The following PIK3C2G variants were observed in gnomAD, a reference collection of about 807,000 sequenced individuals.
PIK3C2G encodes phosphatidylinositol-4-phosphate 3-kinase catalytic subunit type 2 gamma, also known as phosphatidylinositol 3-kinase C2 domain-containing subunit gamma.
A neutral mutation model predicts 181.1 loss-of-function variants in PIK3C2G; 168 were observed. The ratio of observed to expected loss-of-function variants is 0.93; its 90% confidence interval spans 0.82 to 1.05. PIK3C2G has a LOEUF of 1.05. Among genes scored for constraint, PIK3C2G ranks in the 50% least tolerant of loss-of-function variants. The pLI, the probability that PIK3C2G is intolerant of heterozygous loss-of-function variation, is 0.00. For synonymous variants in PIK3C2G, 573 were observed against 592.2 expected (o/e 0.97, Z 0.47); for missense variants, 1,869 against 1,732.8 (o/e 1.08, Z -1.40).
chr12:18,295,548 T>C (rs10743269), intron 5 of PIK3C2G, among the ~76,000 whole-genome samples: 69,439 of 151,810 alleles, frequency 0.46, 16,144 homozygotes, highest in Non-Finnish European at 0.51. Flanking sequence ...GATTTAATCA[T>C]TGTTTTAAAT....
the PIK3C2G span, chr12:18,723,603 T>G: frequency 8.2e-7 from 1 of 1,226,662 alleles, no homozygotes; most frequent in Non-Finnish European, 1.2e-6. Flanking sequence ...AAAATGAATA[T>G]TAGAGTATTT....
intron 10 of PIK3C2G, among the ~76,000 whole-genome samples, chr12:18,345,284 T>C (rs1004613828): frequency 2.6e-5 from 4 of 152,166 alleles, no homozygotes; most frequent in Non-Finnish European, 5.9e-5. Context: ...TGCTTTACTC[T>C]TCCGCTTCAT....
chr12:18,364,813 G>T (rs1941521591), intron 12 of PIK3C2G, among the ~76,000 whole-genome samples: 1 of 152,068 alleles, frequency 6.6e-6, no homozygotes, highest in South Asian at 2.1e-4. Flanking sequence ...TAGGAGATTT[G>T]CTCAAACCCA....
chr12:18,470,803 G>A (rs1938380179), intron 18 of PIK3C2G, among the ~76,000 whole-genome samples: 1 of 152,040 alleles, frequency 6.6e-6, no homozygotes, highest in South Asian at 2.1e-4. Context: ...CAGAAGGGAG[G>A]AAAGATGGAG....
intron 1 of PIK3C2G, among the ~76,000 whole-genome samples, chr12:18,248,576 AAACAACAACAACAAC>A (rs139110088): frequency 2.0e-5 from 3 of 151,402 alleles, no homozygotes; most frequent in South Asian, 2.1e-4. Context: ...ATCTCAAACA[AAACAACAACAACAAC>A]AACAACAACA....
intron 5 of PIK3C2G, among the ~76,000 whole-genome samples, chr12:18,303,374 A>C (rs1000505921): frequency 7.4e-5 from 11 of 149,244 alleles, no homozygotes; most frequent in African/African-American, 2.7e-4. Context: ...TCACTCTGTC[A>C]CCCAGGCTGA....
chr12:18,700,072 C>T, the PIK3C2G span: 1 of 806,546 alleles, frequency 1.2e-6, no homozygotes, highest in Non-Finnish European at 2.0e-6. Flanking sequence ...ATTATCTCCT[C>T]AAACACCATT....
At chr12:18,701,350 C>T in the PIK3C2G span, 2 of 1,395,108 alleles carry the variant, frequency 1.4e-6, no homozygotes, top group South Asian at 1.4e-5. Context: ...CATCTTCCAC[C>T]ATCGATGTTT....
chr12:18,413,653 CTTTG>C (rs764799736), intron 16 of PIK3C2G, among the ~76,000 whole-genome samples: 14 of 152,016 alleles, frequency 9.2e-5, no homozygotes, highest in South Asian at 8.3e-4. Flanking sequence ...CCTAGCAGTA[CTTTG>C]TTTAAGTCCC....
chr12:18,662,521 G>A, the PIK3C2G span, among the ~76,000 whole-genome samples: 1 of 152,020 alleles, frequency 6.6e-6, no homozygotes, highest in South Asian at 2.1e-4. Flanking sequence ...GCTTTGTGAA[G>A]AAGTAAAGAT....
At position 18,286,848 on chromosome 12, in the gene PIK3C2G, C is replaced by T; in HGVS notation, c.680C>T (p.Ser227Leu). 1 of 1,476,414 alleles carries T rather than the reference C, an allele frequency of 6.8e-7. No individual in the cohort carries two copies. The highest frequency in any genetic ancestry group is 9.2e-7 in the Non-Finnish European group (1 of 1,091,542). 91.5% of individuals were successfully genotyped at this position (1,476,414 alleles called of 1,614,324 possible). ...WESTWQKNIE[S>L]IGCSIQLVEV... ...TAATTTAGTAGATTTTATTTTAAGT[C>T]AATAGGTTGTTCCATTCAGCTAGTG... Residue 227 changes from serine to leucine, a missense_variant and splice_region_variant, in exon 3 of 33, where the codon TCA becomes TTA. By Grantham distance (145) the Ser-to-Leu change is moderately radical. Transcript: ENST00000538779.
intron 1 of PIK3C2G, among the ~76,000 whole-genome samples, chr12:18,272,550 C>A (rs1162357035): frequency 6.6e-6 from 1 of 152,108 alleles, no homozygotes; most frequent in Non-Finnish European, 1.5e-5. Context: ...AGAAACTTTG[C>A]CTCATCTATT....
At chr12:18,368,430 G>C (rs1941796840) in intron 12 of PIK3C2G, among the ~76,000 whole-genome samples, 1 of 152,068 alleles carries the variant, frequency 6.6e-6, no homozygotes, top group Non-Finnish European at 1.5e-5. Flanking sequence ...GTCATTTTTT[G>C]AGCATAAATA....
chr12:18,293,969 A>G lies in PIK3C2G; in HGVS notation c.988A>G (p.Lys330Glu). Residue 330 changes from lysine (K) to glutamate (E), a missense_variant, in exon 5 of 33, where the codon AAA (lysine) becomes GAA (glutamate). Lys to Glu is a moderately conservative substitution (Grantham distance 56). Coordinates refer to ENST00000538779, the MANE Select transcript of PIK3C2G (RefSeq NM_001288772.2). The part of the protein sequence containing the change: ...HFCTNDQLLP[K>E]DHILSVCGSE... ...TTGCACAAATGACCAGCTACTCCCC[A>G]AAGATCATATTCTAAGTGTATGTGG... 6.2e-7 allele frequency: 1 copy of G among 1,600,958 alleles called. No homozygotes were observed. Among genetic ancestry groups the G allele is most frequent in the Non-Finnish European group, 8.6e-7 (1 of 1,168,258 alleles).
At chr12:18,431,379 G>A (rs1427345307) in intron 18 of PIK3C2G, among the ~76,000 whole-genome samples, 3 of 152,178 alleles carry the variant, frequency 2.0e-5, no homozygotes, top group East Asian at 3.9e-4. Flanking sequence ...CACTGGCCAC[G>A]TGGCAGGGAC....
chr12:18,334,266 G>A (rs575642441), intron 8 of PIK3C2G, among the ~76,000 whole-genome samples: 3 of 152,084 alleles, frequency 2.0e-5, no homozygotes, highest in East Asian at 1.9e-4. Flanking sequence ...GGCAGCCTAC[G>A]CAGTTTTTGG....
chr12:18,619,959 C>T (rs1308278976), intron 31 of PIK3C2G, among the ~76,000 whole-genome samples: 4 of 151,966 alleles, frequency 2.6e-5, no homozygotes, highest in African/African-American at 2.4e-5. Context: ...CTCCTGACCT[C>T]GTGATCCGCC....
chr12:18,522,325 C>T (rs1482496817), intron 24 of PIK3C2G, among the ~76,000 whole-genome samples: 1 of 152,194 alleles, frequency 6.6e-6, no homozygotes, highest in Non-Finnish European at 1.5e-5. Flanking sequence ...GGATATGCAT[C>T]ACTTATACCA....
chr12:18,493,500 C>A (rs1653867850), intron 20 of PIK3C2G: 1 of 152,270 alleles, frequency 6.6e-6, no homozygotes, highest in Non-Finnish European at 1.5e-5. Context: ...GTTAAGAAAC[C>A]CTACAAATAT....
Sources: gnomAD v4.1 joint callset for allele counts (sites outside exome capture counted in the v4.1 genomes callset) on GRCh38, gnomAD v4.1.1 for gene constraint, MANE v1.5 for transcripts, NCBI Gene and HGNC (gene_info 2026-07-23, HGNC 2026-07-21) for gene names.